Variants in CACNA1C observed in about 807,000 individuals in gnomAD.
The protein encoded by CACNA1C is voltage-dependent L-type calcium channel subunit alpha-1C.
CACNA1C carries 30 observed loss-of-function variants against 229.0 expected under a neutral mutation model. That is an observed-to-expected ratio of 0.13 (90% CI 0.10 to 0.18). CACNA1C has a LOEUF of 0.18. CACNA1C is among the 10% of genes least tolerant of loss of function. The probability of loss-of-function intolerance (pLI) is 1.00; values close to 1 mark genes in which losing one functional copy is unlikely to be tolerated. For synonymous variants in CACNA1C, 1,114 were observed against 1,132.5 expected, an observed-to-expected ratio of 0.98 and a Z score of 0.33; for missense variants, 1,658 against 2,845.0, an observed-to-expected ratio of 0.58 and a Z score of 9.49.
chr12:2,234,048 A>G (rs2066368763), intron 3 of CACNA1C, among the ~76,000 whole-genome samples: 1 of 152,152 alleles, frequency 6.6e-6, no homozygotes, highest in Non-Finnish European at 1.5e-5. Context: ...GTTTATTAGC[A>G]TTTCCTTTAA....
In CACNA1C at chr12:2,597,361, G is replaced by A. The variant is rs751100912; in HGVS notation, c.2853+72G>A. On this transcript the variant is annotated intron_variant, in intron 21 of 46. Coordinates refer to ENST00000399655, the MANE Select transcript of CACNA1C (RefSeq NM_000719.7). The surrounding 1 kb of genome is among the most constrained non-coding windows in gnomAD (Gnocchi z 4.3). ...CACCAGGTCTCTGCCGCTGTCTGTC[G>A]CTAACACACATGCTCCTTCCTGTTG... 4.4e-5 allele frequency: 66 copies of A among 1,498,196 alleles called. No individual in the cohort carries two copies. Among genetic ancestry groups the A allele is most frequent in the South Asian group, 5.6e-5 (5 of 88,686 alleles). The allele number at this position is 1,498,196 out of a possible 1,614,324, so 92.8% of individuals were successfully genotyped here. A position where few individuals can be genotyped will look rare whatever the true frequency, so the allele number is the denominator to read the frequency against.
chr12:2,575,161 G>A lies in CACNA1C; in HGVS notation c.1896-6429G>A, dbSNP rs2057949842. On this transcript the variant is annotated intron_variant, in intron 13 of 46. Coordinates refer to ENST00000399655, the MANE Select transcript of CACNA1C (RefSeq NM_000719.7). This position sits in a 1 kb window ranked among gnomAD's most constrained non-coding sequence, Gnocchi z 4.0. ...CGAGACATCTGCTGCAAACAGAGAA[G>A]ACAAGACCTTTGAACTTGTTAACTA... Among the ~76,000 whole-genome samples the A allele has an allele frequency of 6.6e-6, 1 of 152,178 alleles. No individual in the cohort carries two copies. Among genetic ancestry groups the A allele is most frequent in the African/African-American group, 2.4e-5 (1 of 41,438 alleles).
At chr12:2,179,363 T>C (rs1446388948) in intron 3 of CACNA1C, among the ~76,000 whole-genome samples, 1 of 152,178 alleles carries the variant, frequency 6.6e-6, no homozygotes, top group African/African-American at 2.4e-5. Flanking sequence ...AGGTTGGTCT[T>C]AGCCATGTTC....
chr12:2,111,760 G>T (rs1322216121), intron 1 of CACNA1C, among the ~76,000 whole-genome samples: 1 of 152,148 alleles, frequency 6.6e-6, no homozygotes, highest in African/African-American at 2.4e-5. Context: ...CAGATTGAAT[G>T]GAGCAAAATT....
At chr12:2,148,974 C>T (rs1169904368) in intron 3 of CACNA1C, among the ~76,000 whole-genome samples, 1 of 152,040 alleles carries the variant, frequency 6.6e-6, no homozygotes, top group Non-Finnish European at 1.5e-5. Context: ...TTGACTTTTC[C>T]AGTGGAGAGT....
chr12:2,440,107 T>G (rs530538653), intron 3 of CACNA1C, among the ~76,000 whole-genome samples: 124 of 152,330 alleles, frequency 8.1e-4, no homozygotes, highest in African/African-American at 2.7e-3. Flanking sequence ...AAAGAATGCT[T>G]CTTTTTTTAT....
At chr12:2,638,000 A>G (rs2093070332) in intron 30 of CACNA1C, among the ~76,000 whole-genome samples, 1 of 152,114 alleles carries the variant, frequency 6.6e-6, no homozygotes, top group Admixed American at 6.5e-5. Flanking sequence ...ACCATCATTC[A>G]TTCAATCCAC....
In CACNA1C at chr12:2,501,633, T is replaced by A. The variant is rs186379301; in HGVS notation, c.1114-3209T>A. 1.6e-3 allele frequency among the ~76,000 whole-genome samples: 237 copies of A among 152,388 alleles called. 1 individual carries two copies. The highest frequency in any genetic ancestry group is 5.3e-3 in the African/African-American group (219 of 41,602). ...GTGGCCTGTGGTCAGGCAGCTCATG[T>A]GGCTCTCATGCCTTTCTCTCCCTAA... On this transcript the variant is annotated intron_variant, in intron 7 of 46. Coordinates refer to ENST00000399655, the MANE Select transcript of CACNA1C (RefSeq NM_000719.7).
At chr12:2,418,856 C>G (rs911055007) in intron 3 of CACNA1C, among the ~76,000 whole-genome samples, 5 of 152,118 alleles carry the variant, frequency 3.3e-5, no homozygotes, top group Admixed American at 1.3e-4. Context: ...ACCCCCAGCT[C>G]CACTGCTTGT....
At chr12:2,136,680 C>A (rs889071577) in intron 3 of CACNA1C, among the ~76,000 whole-genome samples, 1 of 150,982 alleles carries the variant, frequency 6.6e-6, no homozygotes, top group Non-Finnish European at 1.5e-5. Context: ...TGCCATGGAG[C>A]CCCCAGGCCA....
intron 5 of CACNA1C, among the ~76,000 whole-genome samples, chr12:2,478,681 T>C (rs1455193174): frequency 6.6e-6 from 1 of 152,202 alleles, no homozygotes; most frequent in African/African-American, 2.4e-5. Flanking sequence ...ACGATCATCC[T>C]CTCTTTAAGA....
chr12:2,146,611 G>A (rs768678960), intron 3 of CACNA1C, among the ~76,000 whole-genome samples: 9 of 151,118 alleles, frequency 6.0e-5, no homozygotes, highest in Non-Finnish European at 1.0e-4. Context: ...GCAGGATTTA[G>A]ACGAAAGCAG....
Position 2,071,036 on chromosome 12 carries a change from TC to T in CACNA1C, c.49+17428del, listed in dbSNP as rs540432662. 2.3e-4 allele frequency among the ~76,000 whole-genome samples: 30 copies of T among 129,182 alleles called. No individual in the cohort carries two copies. The East Asian group carries it at 2.9e-3, about 12-fold the overall frequency. 84.7% of individuals were successfully genotyped at this position (129,182 alleles called of 152,430 possible). On this transcript the variant is annotated intron_variant, in intron 1 of 46. Coordinates refer to ENST00000399655, the MANE Select transcript of CACNA1C (RefSeq NM_000719.7). ...TCTCCTTCCTTCCTTCCTCCTTCCT[TC>T]CCTTTCCCCTTCCCTTCCTCCCTCC...
chr12:2,550,179 C>A, intron 10 of CACNA1C, 146 bp downstream of exon 10: 1 of 690,284 alleles, frequency 1.4e-6, no homozygotes, highest in Non-Finnish European at 2.5e-6. Flanking sequence ...CAGGTGGGAA[C>A]CAAGATGGGG....
At chr12:2,171,850 T>C (rs1263230215) in intron 3 of CACNA1C, among the ~76,000 whole-genome samples, 2 of 152,136 alleles carry the variant, frequency 1.3e-5, no homozygotes, top group Admixed American at 6.5e-5. Context: ...GGAATTCCAC[T>C]TGGGCTGTGA....
intron 3 of CACNA1C, among the ~76,000 whole-genome samples, chr12:2,221,977 A>C (rs2061568673): frequency 6.6e-6 from 1 of 152,206 alleles, no homozygotes; most frequent in African/African-American, 2.4e-5. Flanking sequence ...AAGATATATA[A>C]CCTCTATTTA....
rs752736296 is a variant in CACNA1C at position 2,691,466 on chromosome 12, G to C, written c.*267G>C. Reference sequence around the variant, plus strand: ...TGCCCTCTCCCAGCTCGCAGGCCCCGGGCCCGGCCGCGCCTCCGCGGGGAG... The same window carrying C: ...TGCCCTCTCCCAGCTCGCAGGCCCCCGGCCCGGCCGCGCCTCCGCGGGGAG... On this transcript the variant is annotated 3_prime_UTR_variant, in exon 47 of 47. Transcript: ENST00000399655. The C allele has an allele frequency of 6.2e-5, 23 of 372,564 alleles. No homozygotes were observed. The highest frequency in any genetic ancestry group is 8.5e-5 in the Non-Finnish European group (18 of 211,478). 23.1% of individuals were successfully genotyped at this position (372,564 alleles called of 1,614,324 possible).
intron 1 of CACNA1C, among the ~76,000 whole-genome samples, chr12:2,069,812 A>G (rs2060566656): frequency 6.6e-6 from 1 of 152,158 alleles, no homozygotes; most frequent in Admixed American, 6.5e-5. Flanking sequence ...AAATGCTTAA[A>G]GAGTCTTTTC....
chr12:2,564,716 C>A (rs1018965945), intron 11 of CACNA1C, among the ~76,000 whole-genome samples: 3 of 152,222 alleles, frequency 2.0e-5, no homozygotes, highest in African/African-American at 7.2e-5. Flanking sequence ...CACATCCGCT[C>A]ATCTCAAGGG....
Sources: allele counts gnomAD v4.1 joint callset (sites outside exome capture counted in the v4.1 genomes callset), GRCh38; gene constraint gnomAD v4.1.1; non-coding constraint Gnocchi (gnomAD v3.1); transcripts MANE v1.5; gene names NCBI Gene and HGNC (gene_info 2026-07-23, HGNC 2026-07-21).